The following CACNB4 variants were observed in gnomAD, a reference collection of about 807,000 sequenced individuals.
The protein encoded by CACNB4 is calcium voltage-gated channel auxiliary subunit beta 4, also known as voltage-dependent L-type calcium channel subunit beta-4.
A neutral mutation model predicts 71.2 loss-of-function variants in CACNB4; 32 were observed. That is an observed-to-expected ratio of 0.45 (90% CI 0.34 to 0.60). CACNB4 has a LOEUF of 0.60. Among genes scored for constraint, CACNB4 ranks in the 20% least tolerant of loss-of-function variants. The probability of loss-of-function intolerance (pLI) is 0.01; values close to 1 mark genes in which losing one functional copy is unlikely to be tolerated. For synonymous variants in CACNB4, 231 were observed against 236.9 expected (o/e 0.97, Z 0.23); for missense variants, 464 against 647.9 (o/e 0.72, Z 3.08).
chr2:151,925,171 T>C, intron 2 of CACNB4, among the ~76,000 whole-genome samples: 1 of 152,350 alleles, frequency 6.6e-6, no homozygotes, highest in South Asian at 2.1e-4. Flanking sequence ...ACTTAATTAA[T>C]TGTTAAGGAA....
chr2:151,910,080 T>C (rs746380844), intron 2 of CACNB4, among the ~76,000 whole-genome samples: 8 of 152,230 alleles, frequency 5.3e-5, no homozygotes, highest in Admixed American at 1.3e-4. Flanking sequence ...CCATTCTGAC[T>C]GGCATGAGAT....
At chr2:151,956,365 A>G (rs1427007250) in intron 2 of CACNB4, among the ~76,000 whole-genome samples, 1 of 152,250 alleles carries the variant, frequency 6.6e-6, no homozygotes, top group Admixed American at 6.5e-5. Flanking sequence ...TGGCAATACA[A>G]AGAAATGAAA....
chr2:152,019,984 C>A (rs937470808), intron 2 of CACNB4, among the ~76,000 whole-genome samples: 1 of 152,146 alleles, frequency 6.6e-6, no homozygotes, highest in Non-Finnish European at 1.5e-5. Flanking sequence ...GCAAAGAAGG[C>A]CCAGAAGCAG....
chr2:151,956,880 C>T (rs928917067), intron 2 of CACNB4, among the ~76,000 whole-genome samples: 2 of 152,190 alleles, frequency 1.3e-5, no homozygotes, highest in Non-Finnish European at 2.9e-5. Context: ...GGCACAGTGG[C>T]TCATGCCTGT....
intron 2 of CACNB4, among the ~76,000 whole-genome samples, chr2:152,093,400 G>GGT (rs34845177): frequency 0.17 from 24,680 of 146,524 alleles, 2,164 homozygotes; most frequent in Middle Eastern, 0.27. Flanking sequence ...GCTGTTTTTT[G>GGT]GTGTGTGTGT....
intron 2 of CACNB4, among the ~76,000 whole-genome samples, chr2:152,044,288 T>C (rs1018707779): frequency 1.4e-4 from 21 of 152,220 alleles, no homozygotes; most frequent in African/African-American, 5.1e-4. Flanking sequence ...TGGAGCAATC[T>C]TGGCTCACTG....
intron 12 of CACNB4, 123 bp from the exon 13 acceptor site, chr2:151,842,211 G>A: frequency 1.4e-6 from 1 of 720,320 alleles, no homozygotes; most frequent in Non-Finnish European, 2.3e-6. Flanking sequence ...AATTTGAGGT[G>A]CTATATGGGC....
intron 2 of CACNB4, among the ~76,000 whole-genome samples, chr2:152,085,717 G>T (rs1008531408): frequency 2.6e-5 from 4 of 151,720 alleles, no homozygotes; most frequent in Non-Finnish European, 5.9e-5. Flanking sequence ...GTTGTGGAGG[G>T]AGGCCACAAT....
At chr2:151,870,034 G>A in intron 8 of CACNB4, 1 of 566,988 alleles carries the variant, frequency 1.8e-6, no homozygotes, top group East Asian at 2.9e-5. Flanking sequence ...AATGTTTTTA[G>A]TGGTCTTTTA....
At chr2:151,965,805 T>C (rs555985568) in intron 2 of CACNB4, among the ~76,000 whole-genome samples, 92 of 152,046 alleles carry the variant, frequency 6.1e-4, no homozygotes, top group Non-Finnish European at 1.0e-3. Context: ...AAGTGCACCA[T>C]GGGTATTGGC....
At chr2:152,083,090 T>G (rs916462880) in intron 2 of CACNB4, among the ~76,000 whole-genome samples, 2 of 152,164 alleles carry the variant, frequency 1.3e-5, no homozygotes, top group Non-Finnish European at 2.9e-5. Context: ...TCTCAGCCAC[T>G]GTGGGGCTGA....
chr2:151,985,457 T>C (rs1681301473), intron 2 of CACNB4, among the ~76,000 whole-genome samples: 1 of 152,188 alleles, frequency 6.6e-6, no homozygotes, highest in South Asian at 2.1e-4. Flanking sequence ...TCCCATATAT[T>C]CTTGGGTCAA....
intron 2 of CACNB4, among the ~76,000 whole-genome samples, chr2:151,916,484 GAA>G (rs5835387): frequency 2.0e-5 from 3 of 151,962 alleles, no homozygotes; most frequent in Non-Finnish European, 4.4e-5. Flanking sequence ...TTCCATTTAT[GAA>G]AAAAAAAGAG....
intron 2 of CACNB4, among the ~76,000 whole-genome samples, chr2:152,091,632 T>C (rs7419567): frequency 0.21 from 32,558 of 151,812 alleles, 3,678 homozygotes; most frequent in Admixed American, 0.3. Flanking sequence ...TGAGACTCCT[T>C]CTCAAACAAA....
At chr2:151,863,226 T>C (rs562543991) in intron 9 of CACNB4, among the ~76,000 whole-genome samples, 4 of 152,066 alleles carry the variant, frequency 2.6e-5, no homozygotes, top group East Asian at 1.9e-4. Flanking sequence ...CCACCACACA[T>C]GGCTAATTTT....
chr2:152,058,280 G>C (rs992143777), intron 2 of CACNB4, among the ~76,000 whole-genome samples: 4 of 152,310 alleles, frequency 2.6e-5, no homozygotes, highest in Middle Eastern at 3.4e-3. Flanking sequence ...CAAAGAGGGG[G>C]GTACTGCTAT....
intron 2 of CACNB4, among the ~76,000 whole-genome samples, chr2:151,941,507 C>A (rs1216546374): frequency 2.0e-5 from 3 of 151,864 alleles, no homozygotes; most frequent in African/African-American, 7.3e-5. Context: ...GTCTTGAACT[C>A]CTGACCTCAG....
chr2:152,068,381 C>T (rs979783116), intron 2 of CACNB4, among the ~76,000 whole-genome samples: 1 of 152,162 alleles, frequency 6.6e-6, no homozygotes, highest in African/African-American at 2.4e-5. Context: ...GCCTCTGAGC[C>T]AGTAACTACA....
At chr2:152,088,954 C>T (rs1181431985) in intron 2 of CACNB4, among the ~76,000 whole-genome samples, 1 of 152,214 alleles carries the variant, frequency 6.6e-6, no homozygotes, top group East Asian at 1.9e-4. Context: ...TAGCACACAG[C>T]TTGTCATTAT....
Sources: allele counts gnomAD v4.1 joint callset (sites outside exome capture counted in the v4.1 genomes callset), GRCh38; gene constraint gnomAD v4.1.1; transcripts MANE v1.5; gene names NCBI Gene and HGNC (gene_info 2026-07-23, HGNC 2026-07-21).